The following ZNF469 variants were observed in gnomAD, a reference collection of about 807,000 sequenced individuals.
The protein encoded by ZNF469 is zinc finger protein 469.
Under a neutral mutation model 1.0 loss-of-function variants are expected in ZNF469, and 1 was observed. The observed-to-expected ratio is 1.00, with a 90% CI of 0.35 to 4.73. The LOEUF (loss-of-function observed/expected upper bound fraction) is 4.73, where lower values mean the gene tolerates loss of function less well. Among genes scored for constraint, ZNF469 ranks in the 30% most tolerant of loss-of-function variants. ZNF469 has a pLI of 0.16. For missense variants in ZNF469, 6,100 were observed against 5,356.3 expected (o/e 1.14, Z -4.33); for synonymous variants, 2,703 against 2,363.4 (o/e 1.14, Z -4.17).
At chr16:88,392,151 T>C (rs1159994074) in intron 1 of ZNF469, among the ~76,000 whole-genome samples, 1 of 152,394 alleles carries the variant, frequency 6.6e-6, no homozygotes, top group South Asian at 2.1e-4. Flanking sequence ...CATTCCACCA[T>C]GTGATTGATA....
At chr16:88,312,293 T>G in the ZNF469 span, among the ~76,000 whole-genome samples, 1 of 152,220 alleles carries the variant, frequency 6.6e-6, no homozygotes, top group African/African-American at 2.4e-5. Flanking sequence ...GTACGGTAGT[T>G]CTAATTCCCA....
At chr16:88,416,905 G>C (rs149370228) in intron 1 of ZNF469, among the ~76,000 whole-genome samples, 1 of 152,148 alleles carries the variant, frequency 6.6e-6, no homozygotes, top group African/African-American at 2.4e-5. Flanking sequence ...CCTGTCCTGC[G>C]GTCGGCGTCT....
At chr16:88,160,255 C>G in the ZNF469 span, among the ~76,000 whole-genome samples, 1 of 152,230 alleles carries the variant, frequency 6.6e-6, no homozygotes, top group Admixed American at 6.5e-5. Context: ...CGGCAAATAT[C>G]AGGCCTGGAG....
the ZNF469 span, among the ~76,000 whole-genome samples, chr16:88,329,297 C>T: frequency 6.6e-6 from 1 of 152,168 alleles, no homozygotes; most frequent in East Asian, 1.9e-4. Flanking sequence ...GGAGAAGCCC[C>T]GTTGGAAGGA....
Position 88,429,705 on chromosome 16 carries a change from C to T in ZNF469, c.2235C>T (p.Ala745=). ...ACCGCAACTACAGCAGCCTGGCGGCCTTCCTGGCCCACCGGCAGTTCTGTG... is the reference window on the plus strand; with the variant it reads ...ACCGCAACTACAGCAGCCTGGCGGCTTTCCTGGCCCACCGGCAGTTCTGTG... ...QCDRNYSSLA[A]FLAHRQFCGL... The change falls in exon 3 of 3, where the codon GCC becomes GCT. Residue 745 remains alanine, a synonymous_variant. Transcript: ENST00000565624. The T allele has an allele frequency of 6.5e-7, 1 of 1,542,954 alleles. No homozygotes were observed. Among genetic ancestry groups the T allele is most frequent in the Non-Finnish European group, 8.8e-7 (1 of 1,142,318 alleles).
the ZNF469 span, among the ~76,000 whole-genome samples, chr16:88,346,199 C>G: frequency 2.6e-5 from 4 of 152,250 alleles, no homozygotes; most frequent in Non-Finnish European, 5.9e-5. Flanking sequence ...GCCCGATTCT[C>G]CAGTGGTTTC....
At chr16:88,145,568 C>A in the ZNF469 span, among the ~76,000 whole-genome samples, 2 of 152,254 alleles carry the variant, frequency 1.3e-5, no homozygotes, top group Admixed American at 1.3e-4. Flanking sequence ...GGTGGTTCTG[C>A]TGCCAGGTCT....
At chr16:88,419,724 G>A (rs972621897) in intron 1 of ZNF469, among the ~76,000 whole-genome samples, 4 of 152,098 alleles carry the variant, frequency 2.6e-5, no homozygotes, top group Non-Finnish European at 5.9e-5. Flanking sequence ...TGCCCCCAAC[G>A]CCATGCCTGA....
the ZNF469 span, among the ~76,000 whole-genome samples, chr16:88,345,202 T>A: frequency 6.6e-6 from 1 of 152,146 alleles, no homozygotes; most frequent in Non-Finnish European, 1.5e-5. Context: ...TCCATTTCCA[T>A]CCTTGCTCTT....
intron 1 of ZNF469, among the ~76,000 whole-genome samples, chr16:88,389,514 C>A (rs959288587): frequency 6.6e-6 from 1 of 152,246 alleles, no homozygotes; most frequent in Admixed American, 6.5e-5. Context: ...CTCTCCTGGG[C>A]AGCTTCCTGG....
chr16:88,165,345 C>T, the ZNF469 span, among the ~76,000 whole-genome samples: 2 of 152,248 alleles, frequency 1.3e-5, no homozygotes, highest in Admixed American at 1.3e-4. Flanking sequence ...GTCCCTGTGC[C>T]TTCAACCTGG....
the ZNF469 span, among the ~76,000 whole-genome samples, chr16:88,312,312 A>T: frequency 1.3e-5 from 2 of 152,342 alleles, no homozygotes; most frequent in South Asian, 4.1e-4. Flanking sequence ...CAGGAGGCTC[A>T]GCCTGTTCTC....
chr16:88,405,857 C>T (rs1029031247), intron 1 of ZNF469, among the ~76,000 whole-genome samples: 6 of 152,254 alleles, frequency 3.9e-5, no homozygotes, highest in Admixed American at 1.3e-4. Context: ...GCCTCAGAAG[C>T]GGAAAAGCCT....
At chr16:88,225,099 G>A in the ZNF469 span, among the ~76,000 whole-genome samples, 2 of 152,326 alleles carry the variant, frequency 1.3e-5, no homozygotes, top group East Asian at 1.9e-4. Context: ...GCCTACGGGC[G>A]CCTGGCGCAG....
At position 88,437,931 on chromosome 16, in the gene ZNF469, CG is replaced by C; in HGVS notation, c.10462del (p.Glu3488ArgfsTer13). The C allele has an allele frequency of 6.5e-7, 1 of 1,540,678 alleles. No homozygotes were observed. The highest frequency in any genetic ancestry group is 2.5e-5 in the East Asian group (1 of 40,690). ...TGCCCGGCAGTGCCCCTGGGCCCGGCGAGGACAGGCCTCCTCCCCGGGGAAG... is the reference window on the plus strand; with the variant it reads ...TGCCCGGCAGTGCCCCTGGGCCCGGCAGGACAGGCCTCCTCCCCGGGGAAG... ...AMPGSAPGPG[E>X]DRPPPRGSSP... is the part of the protein sequence containing the mutation. On this transcript the variant is annotated frameshift_variant, in exon 3 of 3. Transcript: ENST00000565624. LOFTEE classifies it low-confidence loss of function (END_TRUNC).
the ZNF469 span, among the ~76,000 whole-genome samples, chr16:88,266,202 C>T: frequency 5.9e-5 from 9 of 152,252 alleles, no homozygotes; most frequent in Non-Finnish European, 8.8e-5. Flanking sequence ...CCCAGCCCTC[C>T]ATGGAATGCA....
chr16:88,251,408 C>T, the ZNF469 span, among the ~76,000 whole-genome samples: 5 of 151,968 alleles, frequency 3.3e-5, no homozygotes, highest in African/African-American at 9.7e-5. Context: ...GATGCTATGT[C>T]GGCAGCAGCT....
the ZNF469 span, among the ~76,000 whole-genome samples, chr16:88,195,723 G>T: frequency 6.6e-6 from 1 of 152,234 alleles, no homozygotes; most frequent in African/African-American, 2.4e-5. Flanking sequence ...ACCTCGGGGT[G>T]TCCCGAGATG....
the ZNF469 span, among the ~76,000 whole-genome samples, chr16:88,188,132 G>A: frequency 1.3e-5 from 2 of 152,026 alleles, no homozygotes; most frequent in Non-Finnish European, 2.9e-5. Flanking sequence ...GCCTCTGCCC[G>A]TGCCGTGACC....
Sources: allele counts gnomAD v4.1 joint callset (sites outside exome capture counted in the v4.1 genomes callset), GRCh38; gene constraint gnomAD v4.1.1; transcripts MANE v1.5; gene names NCBI Gene and HGNC (gene_info 2026-07-23, HGNC 2026-07-21).